Variants in OR51B5 observed in about 807,000 individuals in gnomAD.
The protein encoded by OR51B5 is olfactory receptor 51B5.
For synonymous variants in OR51B5, 186 were observed against 144.8 expected (o/e 1.28, Z -2.04); for missense variants, 456 against 374.6 (o/e 1.22, Z -1.79).
chr11:5,445,510 G>A (rs922454011), intron 1 of OR51B5, among the ~76,000 whole-genome samples: 2 of 151,810 alleles, frequency 1.3e-5, no homozygotes. Flanking sequence ...ACAGATTTTT[G>A]AGCAACATTT....
intron 1 of OR51B5, among the ~76,000 whole-genome samples, chr11:5,448,151 C>G (rs1030349872): frequency 6.6e-6 from 1 of 152,098 alleles, no homozygotes; most frequent in African/African-American, 2.4e-5. Context: ...CTTGTGTGTT[C>G]GCCAATATTT....
intron 1 of OR51B5, among the ~76,000 whole-genome samples, chr11:5,374,766 G>C (rs1016373910): frequency 2.6e-5 from 4 of 152,090 alleles, no homozygotes; most frequent in African/African-American, 9.7e-5. Context: ...AATGAAGCGA[G>C]AAGGGAAGTT....
At chr11:5,376,317 G>A (rs1849527417) in intron 1 of OR51B5, among the ~76,000 whole-genome samples, 1 of 152,152 alleles carries the variant, frequency 6.6e-6, no homozygotes, top group Admixed American at 6.5e-5. Context: ...GAATCAGTGT[G>A]TAGGGGGAAA....
At chr11:5,458,167 G>C (rs1850989494) in intron 1 of OR51B5, among the ~76,000 whole-genome samples, 1 of 152,164 alleles carries the variant, frequency 6.6e-6, no homozygotes, top group African/African-American at 2.4e-5. Flanking sequence ...AAGAGGTCCA[G>C]TTTCAATCTA....
intron 1 of OR51B5, among the ~76,000 whole-genome samples, chr11:5,465,339 T>G (rs1256017143): frequency 1.3e-5 from 2 of 151,774 alleles, no homozygotes; most frequent in Non-Finnish European, 2.9e-5. Flanking sequence ...TTGATTTGCA[T>G]TTCTCTGATG....
intron 1 of OR51B5, among the ~76,000 whole-genome samples, chr11:5,419,659 C>G (rs1200216812): frequency 6.6e-6 from 1 of 152,102 alleles, no homozygotes; most frequent in Non-Finnish European, 1.5e-5. Context: ...ACAGATGTTG[C>G]TATCCAGGAG....
chr11:5,457,941 T>C (rs1046427625), intron 1 of OR51B5, among the ~76,000 whole-genome samples: 1 of 152,216 alleles, frequency 6.6e-6, no homozygotes, highest in Non-Finnish European at 1.5e-5. Flanking sequence ...ATAGCTTCTT[T>C]TGCTGTGCCA....
chr11:5,366,973 A>G (rs1343339053), intron 1 of OR51B5, among the ~76,000 whole-genome samples: 1 of 152,098 alleles, frequency 6.6e-6, no homozygotes, highest in Non-Finnish European at 1.5e-5. Context: ...TGGTCTCCTA[A>G]CATTCCCCTC....
chr11:5,342,290 C>CATAT (rs1162464387), downstream of OR51B5, among the ~76,000 whole-genome samples: 5 of 152,174 alleles, frequency 3.3e-5, no homozygotes, highest in Admixed American at 3.3e-4. Context: ...ATGAAATAAA[C>CATAT]ATATGTTAGT....
intron 1 of OR51B5, chr11:5,488,923 G>C (rs763649694): frequency 1.9e-5 from 31 of 1,614,018 alleles, no homozygotes; most frequent in Non-Finnish European, 2.5e-5. Flanking sequence ...CTCACTCACA[G>C]ACCTGGCTCT....
At chr11:5,389,357 T>C in intron 1 of OR51B5, 4 of 1,580,434 alleles carry the variant, frequency 2.5e-6, no homozygotes, top group Non-Finnish European at 3.4e-6. Flanking sequence ...GAAGAATTAA[T>C]AACCAGAAAT....
chr11:5,463,183 T>A (rs1256892719), intron 1 of OR51B5, among the ~76,000 whole-genome samples: 1 of 152,192 alleles, frequency 6.6e-6, no homozygotes, highest in Non-Finnish European at 1.5e-5. Flanking sequence ...GAATAGGCAA[T>A]TAATTAGTTC....
intron 1 of OR51B5, chr11:5,441,148 C>G (rs762218833): frequency 1.2e-6 from 2 of 1,613,966 alleles, no homozygotes; most frequent in South Asian, 2.2e-5. Context: ...ACAAAGCGAT[C>G]CAAGCTCATG....
chr11:5,351,602 C>A (rs767205096), intron 1 of OR51B5: 38 of 1,613,996 alleles, frequency 2.4e-5, no homozygotes, highest in African/African-American at 5.3e-5. Context: ...TTATTGGCAG[C>A]CTACATCTCC....
At chr11:5,421,363 G>A (rs954958905) in intron 1 of OR51B5, among the ~76,000 whole-genome samples, 5 of 152,224 alleles carry the variant, frequency 3.3e-5, no homozygotes, top group African/African-American at 9.6e-5. Flanking sequence ...GAAACCACAG[G>A]TAAGACTCCT....
intron 1 of OR51B5, among the ~76,000 whole-genome samples, chr11:5,361,799 A>G (rs1036275852): frequency 2.6e-5 from 4 of 152,134 alleles, no homozygotes; most frequent in South Asian, 2.1e-4. Context: ...ATACAGAATG[A>G]TATCTCTGGT....
chr11:5,397,083 C>T (rs7940063), intron 1 of OR51B5, among the ~76,000 whole-genome samples: 1 of 152,134 alleles, frequency 6.6e-6, no homozygotes, highest in Admixed American at 6.5e-5. Context: ...AAATGTTAGA[C>T]CTAAAACCAT....
At chr11:5,374,683 A>G (rs1269517544) in intron 1 of OR51B5, among the ~76,000 whole-genome samples, 3 of 152,206 alleles carry the variant, frequency 2.0e-5, no homozygotes, top group Admixed American at 6.5e-5. Flanking sequence ...TGACGTGAAG[A>G]ATGGAGAAGC....
At chr11:5,409,393 C>T (rs1263687944) in intron 1 of OR51B5, among the ~76,000 whole-genome samples, 1 of 151,794 alleles carries the variant, frequency 6.6e-6, no homozygotes, top group African/African-American at 2.4e-5. Context: ...TAAAGTAAAT[C>T]CAATTAGTAT....
Sources: allele counts gnomAD v4.1 joint callset (sites outside exome capture counted in the v4.1 genomes callset), GRCh38; gene constraint gnomAD v4.1.1; transcripts MANE v1.5; gene names NCBI Gene and HGNC (gene_info 2026-07-23, HGNC 2026-07-21).